SIRPD: variants seen among roughly 807,000 people sequenced by gnomAD.
SIRPD encodes the protein signal-regulatory protein delta.
Under a neutral mutation model 18.0 loss-of-function variants are expected in SIRPD, and 21 were observed. The observed-to-expected ratio is 1.17, with a 90% confidence interval of 0.83 to 1.68. The LOEUF (loss-of-function observed/expected upper bound fraction) is 1.68. Among genes scored for constraint, SIRPD ranks in the 40% most tolerant of loss-of-function variants. The pLI, the probability that SIRPD is intolerant of heterozygous loss-of-function variation, is 0.00. For synonymous variants in SIRPD, 106 were observed against 92.9 expected, an observed-to-expected ratio of 1.14 and a Z score of -0.81; for missense variants, 295 against 238.4, an observed-to-expected ratio of 1.24 and a Z score of -1.56.
rs751993123 is a variant in SIRPD, at chr20:1,537,265, C to T, written c.467G>A (p.Gly156Asp). 2 of 1,614,060 alleles carry T rather than the reference C, an allele frequency of 1.2e-6. No individual in the cohort carries two copies. Among genetic ancestry groups the T allele is most frequent in the African/African-American group, 2.7e-5 (2 of 74,994 alleles). Reference sequence around the variant, plus strand: ...ATGGGCATCATGGTGGGCCCTGGAGCCTGCTCTGCCTGCAGGTCTGTTCTT... The same window carrying T: ...ATGGGCATCATGGTGGGCCCTGGAGTCTGCTCTGCCTGCAGGTCTGTTCTT... ...PPKNRPAGRA[G>D]SRAHHDAHTC... The change falls in exon 3 of 4, where the codon GGC (glycine) becomes GAC (aspartate). Residue 156 changes from glycine (G) to aspartate (D), a missense_variant. Physicochemically the swap from Gly to Asp is moderately conservative, Grantham distance 94. Transcript: ENST00000381623.
intron 1 of SIRPD, among the ~76,000 whole-genome samples, chr20:1,552,419 A>G (rs2091023639): frequency 6.6e-6 from 1 of 152,148 alleles, no homozygotes; most frequent in African/African-American, 2.4e-5. Context: ...TCAACCCTAC[A>G]TCTCCACTGA....
intron 1 of SIRPD, among the ~76,000 whole-genome samples, chr20:1,555,489 C>G (rs2091036542): frequency 6.6e-6 from 1 of 152,146 alleles, no homozygotes; most frequent in Admixed American, 6.6e-5. Context: ...TTTAAATGTT[C>G]TTACCACAAA....
Position 1,537,291 on chromosome 20 carries a change from G to T in SIRPD, c.441C>A (p.Pro147=). The T allele has an allele frequency of 6.2e-7, 1 of 1,614,052 alleles. No individual in the cohort carries two copies. Among genetic ancestry groups the T allele is most frequent in the South Asian group, 1.1e-5 (1 of 91,068 alleles). The change falls in exon 3 of 4, where the codon CCC becomes CCA. Residue 147 remains proline, a synonymous_variant. Transcript: ENST00000381623. The part of the protein sequence containing the change: ...VFVTEQNPRP[P]KNRPAGRAGS... ...CTGCTCTGCCTGCAGGTCTGTTCTT[G>T]GGAGGTCTTGGATTCTGCTCTGCTG... is the stretch of plus-strand genomic sequence containing the variant.
At chr20:1,541,034 A>G (rs1187264861) in intron 2 of SIRPD, among the ~76,000 whole-genome samples, 1 of 152,084 alleles carries the variant, frequency 6.6e-6, no homozygotes, top group Non-Finnish European at 1.5e-5. Flanking sequence ...TATCTATCCT[A>G]TCATTGATGG....
chr20:1,551,303 G>GTAAA (rs2091017808), intron 2 of SIRPD, among the ~76,000 whole-genome samples: 1 of 152,100 alleles, frequency 6.6e-6, no homozygotes, highest in Admixed American at 6.5e-5. Context: ...GCCAACAAAG[G>GTAAA]GAAGAATTAC....
intron 1 of SIRPD, among the ~76,000 whole-genome samples, chr20:1,554,996 C>G (rs748773175): frequency 1.9e-4 from 29 of 152,102 alleles, no homozygotes; most frequent in Non-Finnish European, 3.4e-4. Flanking sequence ...GGCAGATACA[C>G]AAAATGTCTA....
At chr20:1,555,763 A>G (rs1329892143) in intron 1 of SIRPD, among the ~76,000 whole-genome samples, 2 of 152,234 alleles carry the variant, frequency 1.3e-5, no homozygotes, top group Admixed American at 1.3e-4. Context: ...TGAATAACAA[A>G]TTACGACAAA....
chr20:1,540,433 C>CTG, intron 2 of SIRPD: 1 of 416,200 alleles, frequency 2.4e-6, no homozygotes, highest in South Asian at 1.7e-5. Flanking sequence ...AGATATTTGT[C>CTG]TGTAGATATG....
chr20:1,555,336 G>A (rs1192069194), intron 1 of SIRPD, among the ~76,000 whole-genome samples: 3 of 152,232 alleles, frequency 2.0e-5, no homozygotes, highest in Admixed American at 6.5e-5. Flanking sequence ...GTCTGGGGTG[G>A]TGGAGAGTTG....
chr20:1,540,192 G>C, intron 2 of SIRPD: 1 of 430,612 alleles, frequency 2.3e-6, no homozygotes, highest in East Asian at 7.1e-5. Flanking sequence ...TGACAGGCCA[G>C]GGATGCTGGC....
intron 2 of SIRPD, among the ~76,000 whole-genome samples, chr20:1,546,487 A>T (rs79730892): frequency 2.6e-5 from 4 of 152,172 alleles, no homozygotes; most frequent in African/African-American, 9.7e-5. Flanking sequence ...TTTTCCATTC[A>T]TCAGTTGATA....
chr20:1,538,214 TTGGTGATGAGAA>T (rs2090955862), intron 2 of SIRPD, among the ~76,000 whole-genome samples: 1 of 152,010 alleles, frequency 6.6e-6, no homozygotes, highest in Non-Finnish European at 1.5e-5. Flanking sequence ...TGACCGGATG[TTGGTGATGAGAA>T]TGGTGATGAG....
Position 1,551,693 on chromosome 20 carries a change from G to A in SIRPD, c.419C>T (p.Thr140Ile), listed in dbSNP as rs1233286769. The A allele has an allele frequency of 1.2e-6, 2 of 1,610,732 alleles. No individual in the cohort carries two copies. The change falls in exon 2 of 4, where the codon ACT (threonine) becomes ATT (isoleucine). Residue 140 changes from threonine to isoleucine, a missense_variant and splice_region_variant. Coordinates refer to ENST00000381623, the MANE Select transcript of SIRPD (RefSeq NM_178460.3). ...QSGRGTQVFVTEQNPRPPKNR... is the reference protein window; with the variant it reads ...QSGRGTQVFVIEQNPRPPKNR... ...TGGGGTATAGGAGACATACTCACCA[G>A]TAACAAACACCTGAGTGCCCCGACC...
chr20:1,546,400 T>C (rs539649932), intron 2 of SIRPD, among the ~76,000 whole-genome samples: 3 of 152,378 alleles, frequency 2.0e-5, no homozygotes, highest in African/African-American at 4.8e-5. Context: ...GGTTTATCCA[T>C]GTTGCTGCAT....
Position 1,534,308 on chromosome 20 carries a change from T to C in SIRPD, c.*117A>G. On this transcript the variant is annotated 3_prime_UTR_variant, in exon 4 of 4. Transcript: ENST00000381623. ...CGATCAAGCTGGCATTTTATGTCAGTGGAAGAAAGCTCTCTTGAAGAAGGC... is the reference window on the plus strand; with the variant it reads ...CGATCAAGCTGGCATTTTATGTCAGCGGAAGAAAGCTCTCTTGAAGAAGGC... 2 of 1,404,582 alleles carry C rather than the reference T, an allele frequency of 1.4e-6. No homozygotes were observed. Among genetic ancestry groups the C allele is most frequent in the South Asian group, 1.2e-5 (1 of 81,022 alleles). 87.0% of individuals were successfully genotyped at this position (1,404,582 alleles called of 1,614,324 possible).
Position 1,552,472 on chromosome 20 carries a change from C to T in SIRPD, c.74-434G>A, listed in dbSNP as rs190993007. Among the ~76,000 whole-genome samples, 495 of 152,216 alleles carry T rather than the reference C, an allele frequency of 3.3e-3. 2 individuals carry two copies. Among genetic ancestry groups the T allele is most frequent in the Non-Finnish European group, 5.3e-3 (359 of 68,024 alleles). ...CTCTCTCCTCTGAAGGGTGATTAGC[C>T]TCTGAATTTGTACAGAAATTCATGC... On this transcript the variant is annotated intron_variant, in intron 1 of 3. Coordinates refer to ENST00000381623, the MANE Select transcript of SIRPD (RefSeq NM_178460.3).
At chr20:1,550,333 T>C (rs1246438867) in intron 2 of SIRPD, among the ~76,000 whole-genome samples, 2 of 152,200 alleles carry the variant, frequency 1.3e-5, no homozygotes, top group Non-Finnish European at 1.5e-5. Context: ...AAGGCTAATG[T>C]GGATAGTTCC....
chr20:1,544,625 T>C (rs559563066), intron 2 of SIRPD, among the ~76,000 whole-genome samples: 14 of 152,294 alleles, frequency 9.2e-5, no homozygotes, highest in Non-Finnish European at 2.1e-4. Flanking sequence ...ACATTTAAGG[T>C]TAATATTGTT....
At position 1,534,349 on chromosome 20, in the gene SIRPD, A is replaced by C. The variant is rs370933998; in HGVS notation, c.*76T>G. 9.4e-6 allele frequency: 15 copies of C among 1,591,588 alleles called. No individual in the cohort carries two copies. Among genetic ancestry groups the C allele is most frequent in the Non-Finnish European group, 1.2e-5 (14 of 1,171,710 alleles). On this transcript the variant is annotated 3_prime_UTR_variant, in exon 4 of 4. Transcript: ENST00000381623. Reference sequence around the variant, plus strand: ...TGAAGAAGGCAAATGAAACTCCTAAAAAGTAGCTGTCTCCAGGGAGTCAGA... The same window carrying C: ...TGAAGAAGGCAAATGAAACTCCTAACAAGTAGCTGTCTCCAGGGAGTCAGA...
Sources: gnomAD v4.1 joint callset for allele counts (sites outside exome capture counted in the v4.1 genomes callset) on GRCh38, gnomAD v4.1.1 for gene constraint, MANE v1.5 for transcripts, NCBI Gene and HGNC (gene_info 2026-07-23, HGNC 2026-07-21) for gene names.